The following DDX59 variants were observed in gnomAD, a reference collection of about 807,000 sequenced individuals.
DDX59 encodes DEAD-box helicase 59, also known as probable ATP-dependent RNA helicase DDX59.
Under a neutral mutation model 51.9 loss-of-function variants are expected in DDX59, and 30 were observed. The ratio of observed to expected loss-of-function variants is 0.58; its 90% CI spans 0.43 to 0.78. The LOEUF is 0.78. Ranked by LOEUF, DDX59 falls within the 30% of genes least tolerant of loss-of-function variation. The pLI is 0.00. For synonymous variants in DDX59, 255 were observed against 253.3 expected (o/e 1.01, Z -0.06); for missense variants, 672 against 730.8 (o/e 0.92, Z 0.93).
Position 200,644,392 on chromosome 1 carries a change from C to T in DDX59, c.1722G>A (p.Gln574=), listed in dbSNP as rs202184875. 2.6e-5 allele frequency: 42 copies of T among 1,613,636 alleles called. No individual in the cohort carries two copies. Among genetic ancestry groups the T allele is most frequent in the Non-Finnish European group, 7.6e-6 (9 of 1,179,924 alleles). Reference sequence around the variant, plus strand: ...CATGAAGGTATGGGGAATTTAATAACTGAGGGGGAAGAATGGATCCTGTGG... The same window carrying T: ...CATGAAGGTATGGGGAATTTAATAATTGAGGGGGAAGAATGGATCCTGTGG... ...VKPTGSILPP[Q]LLNSPYLHDQ... Residue 574 remains glutamine, a synonymous_variant, in exon 8 of 8, where the codon CAG becomes CAA. Transcript: ENST00000331314.
rs1661449452 is a variant in DDX59, at chr1:200,648,587, A to C, written c.1468-20T>G. 2 of 1,598,796 alleles carry C rather than the reference A, an allele frequency of 1.3e-6. No homozygotes were observed. The highest frequency in any genetic ancestry group is 4.5e-5 in the East Asian group (2 of 44,708). ...TAATCCCTTTCCAAAAAAGCAACAAAATTTATTATTCAGAATTTATTTTGT... is the reference window on the plus strand; with the variant it reads ...TAATCCCTTTCCAAAAAAGCAACAACATTTATTATTCAGAATTTATTTTGT... On this transcript the variant is annotated intron_variant, in intron 6 of 7. Transcript: ENST00000331314.
At position 200,666,102 on chromosome 1, in the gene DDX59, G is replaced by C. The variant is rs1662716056; in HGVS notation, c.639C>G (p.Val213=). The change falls in exon 2 of 8, where the codon GTC becomes GTG. Residue 213 remains valine (V), a synonymous_variant. Transcript: ENST00000331314. ...IDFEHCSLPE[V]LNHNLKKSGY... ...CTGATTTCTTCAAGTTGTGATTTAA[G>C]ACCTCAGGGAGACTACAATGTTCAA... 1 of 1,614,094 alleles carries C rather than the reference G, an allele frequency of 6.2e-7. No homozygotes were observed.
At chr1:200,667,232 C>T (rs1479586415) in intron 1 of DDX59, among the ~76,000 whole-genome samples, 5 of 152,008 alleles carry the variant, frequency 3.3e-5, no homozygotes, top group African/African-American at 4.8e-5. Flanking sequence ...GTGAAACCCC[C>T]GTCTCTACTA....
chr1:200,641,466 TG>T (rs1661046876), downstream of DDX59, among the ~76,000 whole-genome samples: 1 of 73,168 alleles, frequency 1.4e-5, no homozygotes, highest in South Asian at 5.7e-4. Flanking sequence ...TGCTTGGGCC[TG>T]GGCGTGGTGG....
At chr1:200,651,661 C>T (rs1661667536) in intron 4 of DDX59, among the ~76,000 whole-genome samples, 1 of 152,204 alleles carries the variant, frequency 6.6e-6, no homozygotes, top group Non-Finnish European at 1.5e-5. Context: ...TTTTTCTATA[C>T]TGTTGGTTTG....
chr1:200,654,671 CAG>C (rs1194930588), intron 4 of DDX59: 1 of 152,404 alleles, frequency 6.6e-6, no homozygotes. Context: ...TGAGGGATTT[CAG>C]AGTTACTAAA....
chr1:200,659,921 T>G (rs1387801452), intron 3 of DDX59, among the ~76,000 whole-genome samples: 1 of 152,114 alleles, frequency 6.6e-6, no homozygotes, highest in Non-Finnish European at 1.5e-5. Context: ...TGGGCTCAAG[T>G]AATCCTCCCG....
At chr1:200,663,829 C>A in intron 3 of DDX59, 90 bp downstream of exon 3, 4 of 1,217,468 alleles carry the variant, frequency 3.3e-6, no homozygotes, top group South Asian at 2.4e-5. Context: ...TAAAATCATA[C>A]TTTTAAAAAT....
At chr1:200,650,731 C>CTGCTTTTGGTGTTTTGGA in intron 4 of DDX59, 55 bp from the exon 5 acceptor site, 2 of 1,435,394 alleles carry the variant, frequency 1.4e-6, no homozygotes, top group Non-Finnish European at 1.9e-6. Flanking sequence ...CCCAGAACCA[C>CTGCTTTTGGTGTTTTGGA]CCCCAAAAAA....
At chr1:200,650,370 C>T in intron 5 of DDX59, 55 bp downstream of exon 5, 1 of 1,536,822 alleles carries the variant, frequency 6.5e-7, no homozygotes, top group Non-Finnish European at 8.8e-7. Flanking sequence ...CTCTTAAGAG[C>T]TGTGAAAAAT....
At chr1:200,663,024 G>A (rs1292197685) in intron 3 of DDX59, among the ~76,000 whole-genome samples, 2 of 152,120 alleles carry the variant, frequency 1.3e-5, no homozygotes, top group East Asian at 3.8e-4. Context: ...AAATCTGTCA[G>A]ATAAATCTGA....
At chr1:200,664,954 C>T (rs1452871043) in intron 2 of DDX59, among the ~76,000 whole-genome samples, 3 of 152,184 alleles carry the variant, frequency 2.0e-5, no homozygotes, top group East Asian at 1.9e-4. Flanking sequence ...GGATTACAGG[C>T]GTGAGCCACT....
At chr1:200,664,175 G>A (rs1662563277) in intron 2 of DDX59, 89 bp from the exon 3 acceptor site, 3 of 1,435,370 alleles carry the variant, frequency 2.1e-6, no homozygotes, top group African/African-American at 1.4e-5. Flanking sequence ...CCAGGAACAT[G>A]GCCCCTTTAA....
chr1:200,662,551 G>A (rs982973023), intron 3 of DDX59, among the ~76,000 whole-genome samples: 2 of 152,142 alleles, frequency 1.3e-5, no homozygotes, highest in African/African-American at 4.8e-5. Context: ...AGCTACTCTG[G>A]AGGCTGAGGC....
chr1:200,660,007 G>C (rs10919994), intron 3 of DDX59, among the ~76,000 whole-genome samples: 1 of 152,036 alleles, frequency 6.6e-6, no homozygotes, highest in Non-Finnish European at 1.5e-5. Flanking sequence ...TTTTAAACAA[G>C]AAGGAAAAAT....
At chr1:200,669,251 T>A (rs1662989569) in intron 1 of DDX59, among the ~76,000 whole-genome samples, 1 of 152,204 alleles carries the variant, frequency 6.6e-6, no homozygotes, top group Non-Finnish European at 1.5e-5. Context: ...TTAAAAAAAT[T>A]CTTTGTTTAA....
intron 3 of DDX59, 60 bp downstream of exon 3, chr1:200,663,859 C>T: frequency 1.5e-6 from 2 of 1,339,460 alleles, no homozygotes; most frequent in Non-Finnish European, 1.9e-6. Context: ...GGAAAAAAAA[C>T]ACTAGTTCCT....
At chr1:200,641,070 T>C (rs1166161344), downstream of DDX59, 1 of 825,240 alleles carries the variant, frequency 1.2e-6, no homozygotes, top group Non-Finnish European at 1.8e-6. Flanking sequence ...AAGAGTCCTA[T>C]CTGTCCGGAG....
In DDX59 at chr1:200,644,233, AT is replaced by A. The variant is rs201990304; in HGVS notation, c.*20del. Reference sequence around the variant, plus strand: ...TGCTGACTATATACAATAAAAAAAAATATTCAAGTGGCAGAGAAAATCATTT... The same window carrying A: ...TGCTGACTATATACAATAAAAAAAAAATTCAAGTGGCAGAGAAAATCATTT... On this transcript the variant is annotated 3_prime_UTR_variant, in exon 8 of 8. Coordinates refer to ENST00000331314, the MANE Select transcript of DDX59 (RefSeq NM_001031725.6). 2.9e-3 allele frequency: 4,286 copies of A among 1,495,550 alleles called. 64 individuals carry two copies. In the East Asian group the frequency reaches 0.039, roughly 14 times the overall value. 92.6% of individuals were successfully genotyped at this position (1,495,550 alleles called of 1,614,324 possible).
Sources: gnomAD v4.1 joint callset for allele counts (sites outside exome capture counted in the v4.1 genomes callset) on GRCh38, gnomAD v4.1.1 for gene constraint, MANE v1.5 for transcripts, NCBI Gene and HGNC (gene_info 2026-07-23, HGNC 2026-07-21) for gene names.